KIAA0232: variants seen among roughly 807,000 people sequenced by gnomAD.
KIAA0232 encodes KIAA0232, also known as uncharacterized protein KIAA0232.
Under a neutral mutation model 122.0 loss-of-function variants are expected in KIAA0232, and 27 were observed. That is an observed-to-expected ratio of 0.22 (90% CI 0.16 to 0.31). KIAA0232 has a LOEUF of 0.31. Ranked by LOEUF, KIAA0232 falls within the 10% of genes least tolerant of loss-of-function variation. The pLI is 1.00. For missense variants in KIAA0232, 1,551 were observed against 1,634.2 expected (o/e 0.95, Z 0.88); for synonymous variants, 613 against 587.6 (o/e 1.04, Z -0.63).
intron 2 of KIAA0232, among the ~76,000 whole-genome samples, chr4:6,808,727 G>T (rs1717748421): frequency 6.6e-6 from 1 of 152,010 alleles, no homozygotes; most frequent in Admixed American, 6.6e-5. Flanking sequence ...AGTGTGATCT[G>T]AGTTGGTTTT....
chr4:6,854,492 G>A (rs1177808004), intron 4 of KIAA0232, among the ~76,000 whole-genome samples: 4 of 152,288 alleles, frequency 2.6e-5, no homozygotes, highest in South Asian at 4.1e-4. Context: ...CACTGGGTGC[G>A]TGAATGAGCC....
intron 2 of KIAA0232, among the ~76,000 whole-genome samples, chr4:6,812,875 G>A (rs1717940482): frequency 6.6e-6 from 1 of 152,134 alleles, no homozygotes. Flanking sequence ...TATTTATGCA[G>A]CCATGTCAGA....
In KIAA0232 at chr4:6,818,631, A is replaced by G. The variant is rs1014693047; in HGVS notation, c.-269-5554A>G. Among the ~76,000 whole-genome samples the G allele has an allele frequency of 4.6e-5, 7 of 152,212 alleles. No individual in the cohort carries two copies. In the East Asian group the frequency reaches 1.2e-3, roughly 25 times the overall value. ...GACTGGAAGAATTGATATCATTACA[A>G]TGGCCATACAGCCCAAAGCAGTCTA... On this transcript the variant is annotated intron_variant, in intron 2 of 9. Transcript: ENST00000307659.
chr4:6,784,044 C>A (rs1284335454), intron 1 of KIAA0232, among the ~76,000 whole-genome samples: 1 of 152,018 alleles, frequency 6.6e-6, no homozygotes, highest in African/African-American at 2.4e-5. Flanking sequence ...GTCTTGATTT[C>A]TTTTTTGCCA....
At chr4:6,827,005 C>T (rs542981602) in intron 3 of KIAA0232, among the ~76,000 whole-genome samples, 7 of 152,222 alleles carry the variant, frequency 4.6e-5, no homozygotes, top group South Asian at 2.1e-4. Flanking sequence ...TCCAGAGTTC[C>T]GGTTCGTTCC....
chr4:6,856,653 T>C (rs1391892790), intron 4 of KIAA0232, among the ~76,000 whole-genome samples: 2 of 150,154 alleles, frequency 1.3e-5, no homozygotes, highest in Admixed American at 6.7e-5. Context: ...TCTGTTGTTT[T>C]AATCATGAGT....
At chr4:6,852,804 T>TCC (rs2108772142) in intron 4 of KIAA0232, among the ~76,000 whole-genome samples, 1 of 152,356 alleles carries the variant, frequency 6.6e-6, no homozygotes, top group East Asian at 1.9e-4. Context: ...TGACTGGTGC[T>TCC]TCAGCAAGCA....
chr4:6,832,583 A>T (rs980149422), intron 3 of KIAA0232, among the ~76,000 whole-genome samples: 1 of 152,108 alleles, frequency 6.6e-6, no homozygotes, highest in South Asian at 2.1e-4. Context: ...TCCTGACCTC[A>T]AGTGATCTGC....
Position 6,862,253 on chromosome 4 carries a change from A to G in KIAA0232, c.1871A>G (p.Asn624Ser), listed in dbSNP as rs773709829. ...LSPILDSTVLNSHLLAGNQEL... is the reference protein window; with the variant it reads ...LSPILDSTVLSSHLLAGNQEL... ...CCCATCTTAGACAGCACAGTGCTCA[A>G]TTCACACCTGCTTGCTGGCAATCAA... is the stretch of plus-strand genomic sequence containing the variant. The change falls in exon 7 of 10, where the codon AAT (asparagine) becomes AGT (serine). Residue 624 changes from asparagine to serine, a missense_variant. Asn to Ser is a conservative substitution (Grantham distance 46). Transcript: ENST00000307659. 64 of 1,614,034 alleles carry G rather than the reference A, an allele frequency of 4.0e-5. No individual in the cohort carries two copies. The highest frequency in any genetic ancestry group is 5.1e-5 in the Non-Finnish European group (60 of 1,180,040).
intron 2 of KIAA0232, among the ~76,000 whole-genome samples, chr4:6,822,895 A>C (rs1278690699): frequency 6.7e-6 from 1 of 148,168 alleles, no homozygotes; most frequent in East Asian, 2.0e-4. Context: ...GTCATCTAGC[A>C]TTAGGTATAT....
At chr4:6,792,561 T>C (rs1716943391) in intron 1 of KIAA0232, among the ~76,000 whole-genome samples, 3 of 152,184 alleles carry the variant, frequency 2.0e-5, no homozygotes, top group Admixed American at 6.5e-5. Flanking sequence ...ATATTGCATG[T>C]AGAATATTAA....
chr4:6,812,475 T>C (rs1717922523), intron 2 of KIAA0232, among the ~76,000 whole-genome samples: 1 of 152,154 alleles, frequency 6.6e-6, no homozygotes, highest in Non-Finnish European at 1.5e-5. Context: ...ATGTATGTTA[T>C]TATTTAATAT....
intron 2 of KIAA0232, among the ~76,000 whole-genome samples, chr4:6,822,970 T>A (rs1718493492): frequency 7.3e-6 from 1 of 136,302 alleles, no homozygotes; most frequent in African/African-American, 2.8e-5. Context: ...GATGTGCCCC[T>A]TCCTGTGTCC....
At chr4:6,834,819 T>C (rs1406694988) in intron 3 of KIAA0232, among the ~76,000 whole-genome samples, 1 of 152,182 alleles carries the variant, frequency 6.6e-6, no homozygotes, top group Non-Finnish European at 1.5e-5. Context: ...TTGTTCACTG[T>C]AAAAGTTATA....
At chr4:6,794,909 G>A (rs1283616888) in intron 1 of KIAA0232, among the ~76,000 whole-genome samples, 1 of 152,140 alleles carries the variant, frequency 6.6e-6, no homozygotes, top group Non-Finnish European at 1.5e-5. Flanking sequence ...ATATCTCCTT[G>A]TCTAGTAGCT....
At chr4:6,853,215 A>G (rs142432063) in intron 4 of KIAA0232, among the ~76,000 whole-genome samples, 85 of 152,340 alleles carry the variant, frequency 5.6e-4, no homozygotes, top group African/African-American at 1.9e-3. Context: ...GGAAAGAAGA[A>G]ACATTTGAGG....
intron 4 of KIAA0232, among the ~76,000 whole-genome samples, chr4:6,853,294 G>A (rs940199053): frequency 2.0e-5 from 3 of 152,092 alleles, no homozygotes; most frequent in Admixed American, 1.3e-4. Flanking sequence ...CGGTTTGGAA[G>A]GCAGCTCTGG....
intron 3 of KIAA0232, among the ~76,000 whole-genome samples, chr4:6,836,541 C>CTTTTTTTTTTTT (rs1465134876): frequency 1.1e-5 from 1 of 92,716 alleles, no homozygotes; most frequent in Non-Finnish European, 2.4e-5. Flanking sequence ...TTTTTTTTTT[C>CTTTTTTTTTTTT]TTTTCTTTTT....
At position 6,882,742 on chromosome 4, in the gene KIAA0232, G is replaced by A. The variant is rs1722147495; in HGVS notation, c.*1776G>A. On this transcript the variant is annotated 3_prime_UTR_variant, in exon 10 of 10. Transcript: ENST00000307659. ...TTTATGTATTTTTCATTCTTCTGGAGCTTCCTAAAAATTGATAAGCATCTG... is the reference window on the plus strand; with the variant it reads ...TTTATGTATTTTTCATTCTTCTGGAACTTCCTAAAAATTGATAAGCATCTG... 1.3e-5 allele frequency: 2 copies of A among 152,614 alleles called. No individual in the cohort carries two copies. Among genetic ancestry groups the A allele is most frequent in the South Asian group, 4.1e-4 (2 of 4,834 alleles). 9.5% of individuals were successfully genotyped at this position (152,614 alleles called of 1,614,324 possible).
Sources: gnomAD v4.1 joint callset for allele counts (sites outside exome capture counted in the v4.1 genomes callset) on GRCh38, gnomAD v4.1.1 for gene constraint, MANE v1.5 for transcripts, NCBI Gene and HGNC (gene_info 2026-07-23, HGNC 2026-07-21) for gene names.